Variants in MNAT1 observed in about 807,000 individuals in gnomAD.
MNAT1 encodes the protein CDK-activating kinase assembly factor MAT1.
A neutral mutation model predicts 42.0 loss-of-function variants in MNAT1; 43 were observed. That is an observed-to-expected ratio of 1.02 (90% CI 0.80 to 1.32). The LOEUF is 1.32. Ranked by LOEUF, MNAT1 falls within the 40% of genes most tolerant of loss-of-function variation. The probability of loss-of-function intolerance (pLI) is 0.00; values close to 1 mark genes in which losing one functional copy is unlikely to be tolerated. For synonymous variants in MNAT1, 118 were observed against 120.0 expected, an observed-to-expected ratio of 0.98 and a Z score of 0.11; for missense variants, 306 against 350.4, an observed-to-expected ratio of 0.87 and a Z score of 1.01.
intron 5 of MNAT1, 149 bp downstream of exon 5, chr14:60,812,276 G>A (rs1379679883): frequency 4.6e-6 from 3 of 652,184 alleles, no homozygotes; most frequent in Non-Finnish European, 4.7e-6. Flanking sequence ...TGATATCAGT[G>A]TATTTATTGC....
At chr14:60,737,887 C>T (rs1185075420) in intron 1 of MNAT1, among the ~76,000 whole-genome samples, 1 of 148,402 alleles carries the variant, frequency 6.7e-6, no homozygotes, top group Admixed American at 6.8e-5. Context: ...CTCGCTCTGT[C>T]GCCCAGGCTA....
At chr14:60,808,098 T>C (rs957791552) in intron 3 of MNAT1, among the ~76,000 whole-genome samples, 10 of 152,098 alleles carry the variant, frequency 6.6e-5, no homozygotes, top group African/African-American at 2.4e-4. Flanking sequence ...TCCTGACATT[T>C]AGGTATTTTG....
At chr14:60,926,842 T>C (rs189973748) in intron 7 of MNAT1, among the ~76,000 whole-genome samples, 19 of 152,284 alleles carry the variant, frequency 1.2e-4, no homozygotes, top group Admixed American at 2.0e-4. Flanking sequence ...TCCAGCCTGC[T>C]AACTGCATGG....
At chr14:60,780,012 C>T in intron 1 of MNAT1, 10 of 1,564,098 alleles carry the variant, frequency 6.4e-6, no homozygotes, top group Non-Finnish European at 8.8e-6. Flanking sequence ...CAGGGAATCA[C>T]CCTGCGTGGG....
intron 1 of MNAT1, among the ~76,000 whole-genome samples, chr14:60,776,822 GT>G (rs371508507): frequency 1.3e-5 from 2 of 151,750 alleles, no homozygotes; most frequent in East Asian, 1.9e-4. Context: ...TAGTGTTGTG[GT>G]TTTTTTTGTT....
chr14:60,848,509 T>C (rs576945727), intron 6 of MNAT1, among the ~76,000 whole-genome samples: 1 of 152,324 alleles, frequency 6.6e-6, no homozygotes, highest in East Asian at 1.9e-4. Flanking sequence ...TATATAATTT[T>C]CCTCAAGCTT....
intron 7 of MNAT1, among the ~76,000 whole-genome samples, chr14:60,884,143 C>T (rs749246892): frequency 3.3e-5 from 5 of 152,046 alleles, no homozygotes; most frequent in Non-Finnish European, 7.4e-5. Context: ...TTGCTGTATT[C>T]CAGATCTTAG....
rs183166161 is a variant in MNAT1, at chr14:60,849,492, A to G, written c.688-30222A>G. Reference sequence around the variant, plus strand: ...ACTTTTTAGTATACGCCTAAAGTCAATATAATGAAGTGTTTTGAACTGCCT... The same window carrying G: ...ACTTTTTAGTATACGCCTAAAGTCAGTATAATGAAGTGTTTTGAACTGCCT... On this transcript the variant is annotated intron_variant, in intron 6 of 7. Transcript: ENST00000261245. Among the ~76,000 whole-genome samples, 12 of 152,354 alleles carry G rather than the reference A, an allele frequency of 7.9e-5. 1 individual carries two copies. Among genetic ancestry groups the G allele is most frequent in the African/African-American group, 2.6e-4 (11 of 41,570 alleles).
intron 6 of MNAT1, among the ~76,000 whole-genome samples, chr14:60,838,390 G>T (rs1396336220): frequency 6.6e-6 from 1 of 151,964 alleles, no homozygotes; most frequent in Non-Finnish European, 1.5e-5. Context: ...TTCCCACCTG[G>T]CAAAGTGCTG....
chr14:60,759,035 GTTGCCT>G (rs2030485852), intron 1 of MNAT1, among the ~76,000 whole-genome samples: 1 of 152,134 alleles, frequency 6.6e-6, no homozygotes, highest in Non-Finnish European at 1.5e-5. Context: ...TTCAAACTGT[GTTGCCT>G]GAGAGATTTC....
chr14:60,822,004 A>T (rs1480223222), intron 6 of MNAT1, among the ~76,000 whole-genome samples: 1 of 152,172 alleles, frequency 6.6e-6, no homozygotes, highest in Non-Finnish European at 1.5e-5. Context: ...TCACTCTATC[A>T]TATTTTTACA....
intron 6 of MNAT1, among the ~76,000 whole-genome samples, chr14:60,878,597 A>G (rs1375025775): frequency 6.6e-6 from 1 of 152,110 alleles, no homozygotes; most frequent in African/African-American, 2.4e-5. Flanking sequence ...TAATAAGCAG[A>G]TGGTATTGTA....
chr14:60,859,099 CTGTGTTTG>C (rs2034034901), intron 6 of MNAT1, among the ~76,000 whole-genome samples: 1 of 152,152 alleles, frequency 6.6e-6, no homozygotes, highest in African/African-American at 2.4e-5. Flanking sequence ...GAGATTATTA[CTGTGTTTG>C]TGTGCATTAA....
intron 3 of MNAT1, among the ~76,000 whole-genome samples, chr14:60,802,714 A>G (rs1323636882): frequency 1.3e-5 from 2 of 152,130 alleles, no homozygotes; most frequent in African/African-American, 4.8e-5. Flanking sequence ...GATAAATTCA[A>G]ATATTATGAC....
chr14:60,785,687 A>C (rs1186362811), intron 1 of MNAT1, among the ~76,000 whole-genome samples: 1 of 152,178 alleles, frequency 6.6e-6, no homozygotes, highest in Non-Finnish European at 1.5e-5. Flanking sequence ...TATATAATTT[A>C]GTCTATAATT....
chr14:60,968,117 C>A, intron 7 of MNAT1, 112 bp from the exon 8 acceptor site: 1 of 762,380 alleles, frequency 1.3e-6, no homozygotes, highest in South Asian at 1.8e-5. Flanking sequence ...CTGAATATTT[C>A]AATCTCGGAA....
chr14:60,879,153 T>TG (rs2034494687), intron 6 of MNAT1, among the ~76,000 whole-genome samples: 1 of 152,208 alleles, frequency 6.6e-6, no homozygotes, highest in Non-Finnish European at 1.5e-5. Flanking sequence ...CTGATTTCTT[T>TG]GGGGCATTGT....
intron 3 of MNAT1, among the ~76,000 whole-genome samples, chr14:60,800,618 A>G (rs2032172523): frequency 6.6e-6 from 1 of 152,190 alleles, no homozygotes; most frequent in South Asian, 2.1e-4. Context: ...GCAAAACTCT[A>G]AAATCTAGAA....
At chr14:60,919,123 CAGTT>C (rs1252555887) in intron 7 of MNAT1, 1 of 151,508 alleles carries the variant, frequency 6.6e-6, no homozygotes, top group Non-Finnish European at 1.5e-5. Context: ...GGGACTTGGA[CAGTT>C]GGTTGGTGTG....
Sources: gnomAD v4.1 joint callset for allele counts (sites outside exome capture counted in the v4.1 genomes callset) on GRCh38, gnomAD v4.1.1 for gene constraint, MANE v1.5 for transcripts, NCBI Gene and HGNC (gene_info 2026-07-23, HGNC 2026-07-21) for gene names.